Variants in MIPOL1 observed in about 807,000 individuals in gnomAD.
MIPOL1 encodes the protein mirror-image polydactyly gene 1 protein.
In MIPOL1, 57 loss-of-function variants were observed where a neutral mutation model predicts 60.9. The ratio of observed to expected loss-of-function variants is 0.94; its 90% confidence interval spans 0.76 to 1.17. The LOEUF (loss-of-function observed/expected upper bound fraction) is 1.17. Ranked by LOEUF, MIPOL1 falls within the 50% of genes most tolerant of loss-of-function variation. The probability of loss-of-function intolerance (pLI) is 0.00; values close to 1 mark genes in which losing one functional copy is unlikely to be tolerated. For synonymous variants in MIPOL1, 179 were observed against 168.8 expected, an observed-to-expected ratio of 1.06 and a Z score of -0.47; for missense variants, 551 against 511.6, an observed-to-expected ratio of 1.08 and a Z score of -0.74.
intron 11 of MIPOL1, among the ~76,000 whole-genome samples, chr14:37,482,879 G>A (rs553589578): frequency 1.3e-5 from 2 of 152,252 alleles, no homozygotes; most frequent in Non-Finnish European, 2.9e-5. Context: ...CTCAGTATCT[G>A]TTAGGGGATT....
At chr14:37,202,491 A>C (rs1251957624) in intron 1 of MIPOL1, among the ~76,000 whole-genome samples, 2 of 152,104 alleles carry the variant, frequency 1.3e-5, no homozygotes, top group Non-Finnish European at 2.9e-5. Flanking sequence ...CGTGTTTTTC[A>C]TGGCACTCCT....
At chr14:37,497,484 T>C (rs1453564483) in intron 11 of MIPOL1, among the ~76,000 whole-genome samples, 5 of 152,162 alleles carry the variant, frequency 3.3e-5, no homozygotes, top group Non-Finnish European at 7.4e-5. Flanking sequence ...CAAAAAGCAT[T>C]GCCATTAAAG....
At chr14:37,271,417 A>G (rs1258301639) in intron 6 of MIPOL1, among the ~76,000 whole-genome samples, 5 of 152,050 alleles carry the variant, frequency 3.3e-5, no homozygotes, top group Non-Finnish European at 7.4e-5. Flanking sequence ...ATGGGATTAC[A>G]TAGGTGAAAG....
At chr14:37,283,778 C>T (rs2084319209) in intron 6 of MIPOL1, among the ~76,000 whole-genome samples, 2 of 152,092 alleles carry the variant, frequency 1.3e-5, no homozygotes, top group Non-Finnish European at 2.9e-5. Flanking sequence ...ATTTTATATA[C>T]CTGAACTTCA....
chr14:37,535,670 A>G (rs1260460031), intron 12 of MIPOL1, among the ~76,000 whole-genome samples: 3 of 152,254 alleles, frequency 2.0e-5, no homozygotes, highest in Non-Finnish European at 2.9e-5. Flanking sequence ...AAAAGACTTC[A>G]TATGATATAT....
At chr14:37,497,053 C>T (rs2095142458) in intron 11 of MIPOL1, among the ~76,000 whole-genome samples, 1 of 151,948 alleles carries the variant, frequency 6.6e-6, no homozygotes, top group African/African-American at 2.4e-5. Flanking sequence ...AAAGGATTCC[C>T]TATTTAATAA....
chr14:37,484,731 C>T (rs1415110535), intron 11 of MIPOL1, among the ~76,000 whole-genome samples: 1 of 152,034 alleles, frequency 6.6e-6, no homozygotes, highest in Non-Finnish European at 1.5e-5. Context: ...TTTTATTGTT[C>T]TCTCTTCCAG....
intron 9 of MIPOL1, among the ~76,000 whole-genome samples, chr14:37,359,300 T>C (rs1207289679): frequency 4.7e-4 from 72 of 152,222 alleles, no homozygotes; most frequent in Admixed American, 4.7e-3. Flanking sequence ...TTGCTTAGGA[T>C]TGTCTTGGCA....
chr14:37,451,780 A>G (rs1453539823), intron 11 of MIPOL1, among the ~76,000 whole-genome samples: 1 of 147,914 alleles, frequency 6.8e-6, no homozygotes. Flanking sequence ...AATCATTGTG[A>G]GCCTTAAGGT....
At chr14:37,209,551 T>A (rs922025738) in intron 1 of MIPOL1, among the ~76,000 whole-genome samples, 8 of 152,052 alleles carry the variant, frequency 5.3e-5, no homozygotes, top group Non-Finnish European at 7.4e-5. Context: ...TCCCAGCTAC[T>A]CAGTAGACTG....
At chr14:37,277,086 A>T (rs2083718819) in intron 6 of MIPOL1, 1 of 151,270 alleles carries the variant, frequency 6.6e-6, no homozygotes, top group South Asian at 2.1e-4. Context: ...TATACATAAG[A>T]ATAGCCAACA....
intron 10 of MIPOL1, among the ~76,000 whole-genome samples, chr14:37,376,496 C>T (rs997087636): frequency 6.6e-6 from 1 of 151,790 alleles, no homozygotes; most frequent in African/African-American, 2.4e-5. Flanking sequence ...TTTATAGCTC[C>T]TTTTTTTAAA....
chr14:37,419,220 A>G (rs1444194545), intron 10 of MIPOL1, among the ~76,000 whole-genome samples: 1 of 152,200 alleles, frequency 6.6e-6, no homozygotes, highest in Admixed American at 6.5e-5. Flanking sequence ...TCAAAAAATT[A>G]TGTTTAGGTA....
At chr14:37,317,622 A>G (rs536519759) in intron 9 of MIPOL1, among the ~76,000 whole-genome samples, 1 of 152,314 alleles carries the variant, frequency 6.6e-6, no homozygotes, top group Admixed American at 6.5e-5. Flanking sequence ...AGAGTGTGGT[A>G]TCACAGAAGG....
intron 10 of MIPOL1, among the ~76,000 whole-genome samples, chr14:37,397,591 G>C (rs1169630536): frequency 6.6e-6 from 1 of 152,120 alleles, no homozygotes; most frequent in African/African-American, 2.4e-5. Context: ...AGCTACCAGG[G>C]TGGATAGGGA....
intron 9 of MIPOL1, among the ~76,000 whole-genome samples, chr14:37,351,330 C>T (rs2091352842): frequency 7.0e-6 from 1 of 143,122 alleles, no homozygotes; most frequent in African/African-American, 2.6e-5. Flanking sequence ...TGGGTTGGTT[C>T]CAAGTCTTTG....
intron 11 of MIPOL1, among the ~76,000 whole-genome samples, chr14:37,490,579 C>T (rs972022536): frequency 4.6e-5 from 7 of 152,056 alleles, no homozygotes; most frequent in Non-Finnish European, 7.4e-5. Flanking sequence ...ACCTTGGTGG[C>T]GTAGGCACCA....
chr14:37,258,735 A>T (rs1163872155), intron 3 of MIPOL1, among the ~76,000 whole-genome samples: 1 of 152,116 alleles, frequency 6.6e-6, no homozygotes, highest in Non-Finnish European at 1.5e-5. Flanking sequence ...ATATGATAGA[A>T]TTTCACAAAA....
intron 10 of MIPOL1, among the ~76,000 whole-genome samples, chr14:37,387,495 A>G (rs1283672575): frequency 6.6e-6 from 1 of 151,948 alleles, no homozygotes; most frequent in Non-Finnish European, 1.5e-5. Flanking sequence ...CTTTGTTTCC[A>G]GAACCTCAGA....
Sources: allele counts gnomAD v4.1 joint callset (sites outside exome capture counted in the v4.1 genomes callset), GRCh38; gene constraint gnomAD v4.1.1; transcripts MANE v1.5; gene names NCBI Gene and HGNC (gene_info 2026-07-23, HGNC 2026-07-21).